PDE4D: variants seen among roughly 807,000 people sequenced by gnomAD.
PDE4D encodes 3',5'-cyclic-AMP phosphodiesterase 4D.
PDE4D carries 24 observed loss-of-function variants against 87.4 expected under a neutral mutation model. The observed-to-expected ratio is 0.27, with a 90% CI of 0.20 to 0.39. The LOEUF is 0.39. PDE4D is among the 10% of genes least tolerant of loss of function. The pLI is 1.00. For missense variants in PDE4D, 714 were observed against 1,041.0 expected (o/e 0.69, Z 4.32); for synonymous variants, 384 against 383.2 (o/e 1.00, Z -0.02).
At chr5:59,220,377 C>CAAAAAAA (rs57610513) in intron 1 of PDE4D, among the ~76,000 whole-genome samples, 15 of 36,150 alleles carry the variant, frequency 4.1e-4, no homozygotes, top group South Asian at 2.2e-3. Context: ...GACTCTGTCT[C>CAAAAAAA]AAAAAAAAAA....
At chr5:59,513,870 T>G (rs1198032412) in intron 1 of PDE4D, among the ~76,000 whole-genome samples, 1 of 152,102 alleles carries the variant, frequency 6.6e-6, no homozygotes, top group East Asian at 1.9e-4. Context: ...GGTTTAAATC[T>G]CAGTAAGAGA....
chr5:59,524,350 T>C (rs372707534), intron 1 of PDE4D, among the ~76,000 whole-genome samples: 1 of 152,290 alleles, frequency 6.6e-6, no homozygotes. Context: ...GAGATGGAGA[T>C]GAGGAACTTG....
intron 1 of PDE4D, among the ~76,000 whole-genome samples, chr5:59,412,487 G>A (rs80321979): frequency 0.013 from 2,050 of 152,222 alleles, 52 homozygotes; most frequent in African/African-American, 0.047. Flanking sequence ...ATTATAGAGG[G>A]GAGCTGAGGG....
At chr5:59,641,027 T>G (rs1288061085) in intron 1 of PDE4D, among the ~76,000 whole-genome samples, 1 of 152,168 alleles carries the variant, frequency 6.6e-6, no homozygotes, top group African/African-American at 2.4e-5. Context: ...TTTTTCAGGT[T>G]TTTTAGGCTG....
chr5:59,933,576 G>A (rs1756213589), intron 3 of PDE4D, among the ~76,000 whole-genome samples: 1 of 152,138 alleles, frequency 6.6e-6, no homozygotes, highest in Admixed American at 6.5e-5. Flanking sequence ...ACACTTATGT[G>A]AGGTAGCTAT....
chr5:60,092,864 G>A (rs1775280378), intron 2 of PDE4D, among the ~76,000 whole-genome samples: 1 of 152,166 alleles, frequency 6.6e-6, no homozygotes, highest in Non-Finnish European at 1.5e-5. Flanking sequence ...TGACTCTGGG[G>A]ACAATACAAA....
At chr5:59,293,749 G>A (rs188231388) in intron 1 of PDE4D, among the ~76,000 whole-genome samples, 1 of 152,254 alleles carries the variant, frequency 6.6e-6, no homozygotes, top group East Asian at 1.9e-4. Context: ...TAAGTGGGCA[G>A]GGTGCGTGTG....
intron 1 of PDE4D, among the ~76,000 whole-genome samples, chr5:60,401,295 G>T (rs1185274974): frequency 1.3e-5 from 2 of 152,142 alleles, no homozygotes; most frequent in Admixed American, 1.3e-4. Flanking sequence ...CTTATTTTAT[G>T]GTTAGGCTTT....
At chr5:59,820,887 G>A (rs906327744) in intron 1 of PDE4D, among the ~76,000 whole-genome samples, 9 of 152,084 alleles carry the variant, frequency 5.9e-5, no homozygotes, top group Admixed American at 6.5e-5. Flanking sequence ...TGCCAAGAAC[G>A]TCTAAGCTTT....
intron 5 of PDE4D, among the ~76,000 whole-genome samples, chr5:59,112,190 C>T (rs1014252584): frequency 5.3e-5 from 8 of 152,132 alleles, no homozygotes; most frequent in Middle Eastern, 6.8e-3. Context: ...CATGCAGCAC[C>T]AAGGTCTTAA....
intron 1 of PDE4D, among the ~76,000 whole-genome samples, chr5:59,742,129 T>A (rs1016025987): frequency 6.6e-6 from 1 of 152,136 alleles, no homozygotes. Flanking sequence ...AATGGCGCAG[T>A]CTCGGCTCAC....
chr5:59,126,559 G>A (rs1041754872), intron 5 of PDE4D, among the ~76,000 whole-genome samples: 2 of 152,184 alleles, frequency 1.3e-5, no homozygotes, highest in African/African-American at 4.8e-5. Context: ...AAAAGAAACA[G>A]GTCTTTGAAA....
At chr5:59,036,691 T>G (rs1342780128) in intron 6 of PDE4D, among the ~76,000 whole-genome samples, 2 of 152,226 alleles carry the variant, frequency 1.3e-5, no homozygotes, top group Non-Finnish European at 2.9e-5. Flanking sequence ...AGCTTAGCAC[T>G]GATTTAGAAA....
At chr5:59,231,983 C>G (rs1301956290) in intron 1 of PDE4D, among the ~76,000 whole-genome samples, 1 of 152,178 alleles carries the variant, frequency 6.6e-6, no homozygotes, top group Non-Finnish European at 1.5e-5. Flanking sequence ...AGAGGATCAG[C>G]TCAAGTGTGA....
intron 1 of PDE4D, among the ~76,000 whole-genome samples, chr5:60,436,742 A>G (rs899101706): frequency 1.3e-5 from 2 of 152,082 alleles, no homozygotes; most frequent in Non-Finnish European, 2.9e-5. Flanking sequence ...ACTGAAGCAT[A>G]CTGAACACTA....
chr5:59,762,559 CAT>C lies in PDE4D; in HGVS notation c.455+130607_455+130608del, dbSNP rs1250525757. Among the ~76,000 whole-genome samples the C allele has an allele frequency of 1.5e-4, 18 of 121,638 alleles. No homozygotes were observed. The South Asian group carries it at 1.6e-3, about 11-fold the overall frequency. 79.8% of individuals were successfully genotyped at this position (121,638 alleles called of 152,430 possible). On this transcript the variant is annotated intron_variant, in intron 1 of 14. Coordinates refer to ENST00000340635, the MANE Select transcript of PDE4D (RefSeq NM_001104631.2). ...ATGTGTATATGTGTATATGGGTACACATATGTGTATATGTGTATATGGGTACA... is the reference window on the plus strand; with the variant it reads ...ATGTGTATATGTGTATATGGGTACACATGTGTATATGTGTATATGGGTACA...
intron 1 of PDE4D, among the ~76,000 whole-genome samples, chr5:59,864,834 G>A (rs530411293): frequency 6.6e-6 from 1 of 152,306 alleles, no homozygotes; most frequent in East Asian, 1.9e-4. Context: ...GCTACAGAGA[G>A]GAGTTGCTGC....
intron 1 of PDE4D, among the ~76,000 whole-genome samples, chr5:60,217,207 A>C (rs1030814074): frequency 6.6e-6 from 1 of 152,018 alleles, no homozygotes; most frequent in Admixed American, 6.6e-5. Context: ...AGAGTAGTCA[A>C]AATCATAGGG....
chr5:60,152,365 A>G (rs1781580555), intron 2 of PDE4D, among the ~76,000 whole-genome samples: 1 of 152,128 alleles, frequency 6.6e-6, no homozygotes, highest in South Asian at 2.1e-4. Flanking sequence ...GAATTTACCA[A>G]TGAGGGGGCC....
Sources: gnomAD v4.1 joint callset for allele counts (sites outside exome capture counted in the v4.1 genomes callset) on GRCh38, gnomAD v4.1.1 for gene constraint, MANE v1.5 for transcripts, NCBI Gene and HGNC (gene_info 2026-07-23, HGNC 2026-07-21) for gene names.